The following ADAM12 variants were observed in gnomAD, a reference collection of about 807,000 sequenced individuals.
The protein encoded by ADAM12 is disintegrin and metalloproteinase domain-containing protein 12.
ADAM12 carries 70 observed loss-of-function variants against 106.4 expected under a neutral mutation model. The observed-to-expected ratio is 0.66, with a 90% confidence interval of 0.54 to 0.80. The LOEUF is 0.80. Among genes scored for constraint, ADAM12 ranks in the 30% least tolerant of loss-of-function variants. The probability of loss-of-function intolerance (pLI) is 0.00; values close to 1 mark genes in which losing one functional copy is unlikely to be tolerated. For synonymous variants in ADAM12, 420 were observed against 433.5 expected (o/e 0.97, Z 0.39); for missense variants, 1,010 against 1,171.9 (o/e 0.86, Z 2.02).
intron 3 of ADAM12, among the ~76,000 whole-genome samples, chr10:126,271,562 C>T (rs1031864746): frequency 3.9e-5 from 6 of 152,154 alleles, no homozygotes; most frequent in Admixed American, 1.3e-4. Flanking sequence ...GCCAGGAGCT[C>T]AAGACTGGTC....
chr10:126,159,091 C>T (rs1032910130), intron 3 of ADAM12, among the ~76,000 whole-genome samples: 17 of 152,062 alleles, frequency 1.1e-4, no homozygotes, highest in South Asian at 4.1e-4. Context: ...GGGCAGATCA[C>T]GAGGTCAGGA....
At chr10:126,355,015 C>T (rs2133892802) in intron 1 of ADAM12, among the ~76,000 whole-genome samples, 1 of 151,792 alleles carries the variant, frequency 6.6e-6, no homozygotes, top group South Asian at 2.1e-4. Flanking sequence ...CAATTCCCCA[C>T]AGGAAAAAAA....
At chr10:126,208,710 C>T (rs1957842759) in intron 3 of ADAM12, among the ~76,000 whole-genome samples, 1 of 152,198 alleles carries the variant, frequency 6.6e-6, no homozygotes, top group African/African-American at 2.4e-5. Context: ...TGAGCAGAAA[C>T]AGAACCATCT....
chr10:126,104,386 G>A (rs1955724417), intron 8 of ADAM12, among the ~76,000 whole-genome samples: 2 of 151,370 alleles, frequency 1.3e-5, no homozygotes, highest in African/African-American at 4.9e-5. Context: ...GGAGGTGGAG[G>A]CTGCAGTGAG....
chr10:126,358,715 T>C (rs910649196), intron 1 of ADAM12, among the ~76,000 whole-genome samples: 9 of 152,326 alleles, frequency 5.9e-5, no homozygotes, highest in Admixed American at 3.9e-4. Context: ...TGCTGTTTGT[T>C]GATGACGTGT....
In ADAM12 at chr10:126,247,272, G is replaced by C. The variant is rs568487155; in HGVS notation, c.260+31643C>G. Among the ~76,000 whole-genome samples, 5 of 152,298 alleles carry C rather than the reference G, an allele frequency of 3.3e-5. No homozygotes were observed. In the South Asian group the frequency reaches 1.0e-3, roughly 32 times the overall value. On this transcript the variant is annotated intron_variant, in intron 3 of 22. Coordinates refer to ENST00000448723, the MANE Select transcript of ADAM12 (RefSeq NM_001288973.2). ...CTTTACTTAAACATTGCTGCCTTTA[G>C]AGAGAGTCTGAAAATATCACTGCAT... is the stretch of plus-strand genomic sequence containing the variant.
chr10:126,155,248 G>A lies in ADAM12; in HGVS notation c.318C>T (p.Val106=), dbSNP rs141963391. ...ETHYLQDGTD[V]SLARNYTGHC... The stretch of plus-strand genomic sequence containing the variant: ...TTACCGTGTAATTTCGAGCGAGGGA[G>A]ACATCAGTACCGTCTTGCAGATAGT... Residue 106 remains valine, a synonymous_variant, in exon 4 of 23, where the codon GTC becomes GTT. Coordinates refer to ENST00000448723, the MANE Select transcript of ADAM12 (RefSeq NM_001288973.2). 6.2e-7 allele frequency: 1 copy of A among 1,614,152 alleles called. No homozygotes were observed. Among genetic ancestry groups the A allele is most frequent in the African/African-American group, 1.3e-5 (1 of 75,036 alleles).
At position 126,316,508 on chromosome 10, in the gene ADAM12, C is replaced by T. The variant is rs566518310; in HGVS notation, c.186+13904G>A. On this transcript the variant is annotated intron_variant, in intron 2 of 22. Transcript: ENST00000448723. ...GTTGCGCAGGGCTCAATTTACATGG[C>T]TATACATGTAAATTGATGAAAACAT... 2.0e-5 allele frequency among the ~76,000 whole-genome samples: 3 copies of T among 152,118 alleles called. No individual in the cohort carries two copies. In the South Asian group the frequency reaches 6.2e-4, roughly 32 times the overall value.
Position 126,041,408 on chromosome 10 carries a change from G to A in ADAM12, c.2104+1632C>T, listed in dbSNP as rs1024861599. The stretch of plus-strand genomic sequence containing the variant: ...GGGGATGGAGTTAGGCTCTTACATT[G>A]TTTTCACTTTTTAACATTCTTACTT... On this transcript the variant is annotated intron_variant, in intron 18 of 22. Transcript: ENST00000448723. The A allele has an allele frequency of 1.9e-5, 19 of 985,566 alleles. No individual in the cohort carries two copies. The African/African-American group carries it at 3.0e-4, about 15-fold the overall frequency. The allele number at this position is 985,566 out of a possible 1,614,324, so 61.1% of individuals were successfully genotyped here.
chr10:126,169,590 A>T (rs1455355019), intron 3 of ADAM12, among the ~76,000 whole-genome samples: 2 of 152,206 alleles, frequency 1.3e-5, no homozygotes, highest in African/African-American at 2.4e-5. Flanking sequence ...CTACTCTAAA[A>T]AAAATAAAAT....
rs1233991598 is a variant in ADAM12 at position 126,174,010 on chromosome 10, T to TG, written c.261-18706_261-18705insC. Among the ~76,000 whole-genome samples the TG allele has an allele frequency of 1.8e-4, 16 of 89,754 alleles. No individual in the cohort carries two copies. In the South Asian group the frequency reaches 7.1e-3, roughly 40 times the overall value. 58.9% of individuals were successfully genotyped at this position (89,754 alleles called of 152,430 possible). Reference sequence around the variant, plus strand: ...TTATCCAGATTCATCTGTTGTTGATTTTTTTTTTTTTTTTTTTTTTTTTTT... The same window carrying TG: ...TTATCCAGATTCATCTGTTGTTGATTGTTTTTTTTTTTTTTTTTTTTTTTTT... On this transcript the variant is annotated intron_variant, in intron 3 of 22. Coordinates refer to ENST00000448723, the MANE Select transcript of ADAM12 (RefSeq NM_001288973.2).
intron 1 of ADAM12, among the ~76,000 whole-genome samples, chr10:126,337,071 T>C (rs775043260): frequency 3.9e-5 from 6 of 152,170 alleles, no homozygotes; most frequent in Non-Finnish European, 7.3e-5. Flanking sequence ...TATGTGTATA[T>C]AAAACAGGGA....
chr10:126,248,037 G>A (rs1051609736), intron 3 of ADAM12, among the ~76,000 whole-genome samples: 1 of 152,170 alleles, frequency 6.6e-6, no homozygotes, highest in African/African-American at 2.4e-5. Flanking sequence ...ATCAGATGTG[G>A]GTTCAAGTCT....
At chr10:126,266,206 C>G (rs989734652) in intron 3 of ADAM12, among the ~76,000 whole-genome samples, 1 of 152,172 alleles carries the variant, frequency 6.6e-6, no homozygotes, top group Non-Finnish European at 1.5e-5. Context: ...CCTGGCCCAC[C>G]TCCACCCACA....
chr10:126,133,701 T>TC (rs924692540), intron 5 of ADAM12, among the ~76,000 whole-genome samples: 1 of 152,092 alleles, frequency 6.6e-6, no homozygotes, highest in African/African-American at 2.4e-5. Context: ...CCCCTGGTGA[T>TC]CCTACCTTTC....
chr10:126,035,175 A>C (rs1954036505), intron 21 of ADAM12, among the ~76,000 whole-genome samples: 1 of 152,178 alleles, frequency 6.6e-6, no homozygotes, highest in Non-Finnish European at 1.5e-5. Flanking sequence ...AAAGACAATA[A>C]CAATGTGGGA....
intron 4 of ADAM12, 44 bp from the exon 5 acceptor site, chr10:126,135,704 T>C (rs1376986488): frequency 3.2e-6 from 5 of 1,550,846 alleles, no homozygotes; most frequent in Non-Finnish European, 4.4e-6. Flanking sequence ...TATAACACAT[T>C]TTTGCCCACT....
intron 3 of ADAM12, among the ~76,000 whole-genome samples, chr10:126,265,572 T>C (rs1469655055): frequency 6.6e-6 from 1 of 152,126 alleles, no homozygotes; most frequent in Non-Finnish European, 1.5e-5. Context: ...CCACCTGCAA[T>C]GTCATCCTGC....
chr10:126,330,568 G>C (rs1177141787), intron 1 of ADAM12, 59 bp from the exon 2 acceptor site: 4 of 1,435,734 alleles, frequency 2.8e-6, no homozygotes, highest in Non-Finnish European at 2.9e-6. Flanking sequence ...TTTGGCATCA[G>C]AAGCTTATTA....
Sources: allele counts gnomAD v4.1 joint callset (sites outside exome capture counted in the v4.1 genomes callset), GRCh38; gene constraint gnomAD v4.1.1; transcripts MANE v1.5; gene names NCBI Gene and HGNC (gene_info 2026-07-23, HGNC 2026-07-21).